The following IL1RAPL2 variants were observed in gnomAD, a reference collection of about 807,000 sequenced individuals.
IL1RAPL2 encodes the protein X-linked interleukin-1 receptor accessory protein-like 2.
In IL1RAPL2, 3 loss-of-function variants were observed where a neutral mutation model predicts 44.1. The ratio of observed to expected loss-of-function variants is 0.07; its 90% CI spans 0.03 to 0.18. The LOEUF (loss-of-function observed/expected upper bound fraction) is 0.18, where lower values mean the gene tolerates loss of function less well. IL1RAPL2 is among the 10% of genes least tolerant of loss of function. The pLI is 1.00. For missense variants in IL1RAPL2, 391 were observed against 496.4 expected (o/e 0.79, Z 2.02); for synonymous variants, 181 against 178.8 (o/e 1.01, Z -0.10).
At chrX:105,314,350 G>T (rs905396151) in intron 5 of IL1RAPL2, among the ~76,000 whole-genome samples, 12 of 109,340 alleles carry the variant, frequency 1.1e-4, no homozygotes, top group African/African-American at 4.0e-4. Context: ...CGATCTTGCT[G>T]TTTTCAAGGA....
At chrX:104,980,012 G>A (rs933552844) in intron 2 of IL1RAPL2, among the ~76,000 whole-genome samples, 13 of 111,976 alleles carry the variant, frequency 1.2e-4, no homozygotes, top group African/African-American at 2.9e-4. Context: ...GTATGCAGAC[G>A]CATGTTCAAG....
intron 6 of IL1RAPL2, among the ~76,000 whole-genome samples, chrX:105,665,344 CGTGTGT>C (rs58453498): frequency 4.2e-4 from 41 of 98,545 alleles, no homozygotes; most frequent in East Asian, 6.5e-4. Context: ...TATGCGCGTG[CGTGTGT>C]GTGTGTGTGT....
At chrX:105,157,431 T>C (rs1251414217) in intron 2 of IL1RAPL2, among the ~76,000 whole-genome samples, 1 of 112,324 alleles carries the variant, frequency 8.9e-6, no homozygotes, top group Non-Finnish European at 1.9e-5. Context: ...GCTACAATTA[T>C]CAGGCTCATC....
At chrX:104,585,321 T>TATATTATATA (rs1928515563) in intron 1 of IL1RAPL2, among the ~76,000 whole-genome samples, 1 of 19,346 alleles carries the variant, frequency 5.2e-5, no homozygotes, top group Non-Finnish European at 7.2e-5. Context: ...TAATATATAT[T>TATATTATATA]ATATATAATA....
chrX:105,355,220 C>A (rs1437410286), intron 5 of IL1RAPL2, among the ~76,000 whole-genome samples: 1 of 111,099 alleles, frequency 9.0e-6, no homozygotes, highest in Non-Finnish European at 1.9e-5. Context: ...CATGTTAATA[C>A]AAGATATGTG....
intron 2 of IL1RAPL2, among the ~76,000 whole-genome samples, chrX:105,008,072 A>G (rs1192527331): frequency 4.6e-4 from 5 of 10,849 alleles, no homozygotes; most frequent in African/African-American, 1.6e-3. Context: ...AGTAACTTAT[A>G]AAGAAAACAA....
intron 5 of IL1RAPL2, among the ~76,000 whole-genome samples, chrX:105,307,895 C>T (rs1489338265): frequency 9.4e-6 from 1 of 106,521 alleles, no homozygotes; most frequent in Non-Finnish European, 1.9e-5. Context: ...CTTTATGATG[C>T]AACAAGCTGT....
chrX:105,666,302 A>AG (rs1602510151), intron 6 of IL1RAPL2, among the ~76,000 whole-genome samples: 2 of 110,801 alleles, frequency 1.8e-5, no homozygotes, highest in African/African-American at 3.3e-5. Context: ...AGCTGGGTCC[A>AG]GGGGGGTCAC....
intron 7 of IL1RAPL2, among the ~76,000 whole-genome samples, chrX:105,737,985 G>C (rs769309162): frequency 6.3e-5 from 7 of 111,503 alleles, no homozygotes; most frequent in African/African-American, 2.3e-4. Flanking sequence ...TCTTATACTT[G>C]TCTGGTTCTG....
At chrX:104,602,941 G>C (rs1276261528) in intron 1 of IL1RAPL2, among the ~76,000 whole-genome samples, 1 of 111,832 alleles carries the variant, frequency 8.9e-6, no homozygotes, top group Non-Finnish European at 1.9e-5. Flanking sequence ...GCTCTAAAGA[G>C]AGCAGTGGAC....
chrX:105,308,047 G>A (rs1192615524), intron 5 of IL1RAPL2, among the ~76,000 whole-genome samples: 1 of 110,349 alleles, frequency 9.1e-6, no homozygotes, highest in Non-Finnish European at 1.9e-5. Flanking sequence ...CTTCATCATG[G>A]TGACTAGGTC....
intron 6 of IL1RAPL2, among the ~76,000 whole-genome samples, chrX:105,638,225 A>G (rs1406309845): frequency 1.8e-5 from 2 of 112,013 alleles, no homozygotes; most frequent in Non-Finnish European, 3.8e-5. Context: ...TGGCAGTACT[A>G]GAAGACATTA....
chrX:105,646,956 C>T (rs1002190620), intron 6 of IL1RAPL2, among the ~76,000 whole-genome samples: 1 of 112,481 alleles, frequency 8.9e-6, no homozygotes, highest in Non-Finnish European at 1.9e-5. Context: ...TGGCGGCAAG[C>T]CTTTTGTTCT....
At chrX:104,996,162 T>A (rs1340407782) in intron 2 of IL1RAPL2, among the ~76,000 whole-genome samples, 1 of 111,884 alleles carries the variant, frequency 8.9e-6, no homozygotes, top group Non-Finnish European at 1.9e-5. Context: ...TATATTGAGG[T>A]TCAGCCTTAC....
chrX:105,381,004 G>A (rs2035425858), intron 5 of IL1RAPL2, among the ~76,000 whole-genome samples: 1 of 111,404 alleles, frequency 9.0e-6, no homozygotes, highest in African/African-American at 3.3e-5. Flanking sequence ...TATTTATTGA[G>A]TGCTTGCTGT....
chrX:105,277,668 T>A (rs184504313), intron 5 of IL1RAPL2, among the ~76,000 whole-genome samples: 1 of 111,619 alleles, frequency 9.0e-6, no homozygotes, highest in African/African-American at 3.3e-5. Context: ...ATTTCAATTC[T>A]GTAACTCATA....
At chrX:105,256,471 G>C (rs1452906503) in intron 4 of IL1RAPL2, among the ~76,000 whole-genome samples, 1 of 109,540 alleles carries the variant, frequency 9.1e-6, no homozygotes, top group Admixed American at 9.8e-5. Flanking sequence ...TGGGATTACA[G>C]GTGCCTGCCA....
intron 6 of IL1RAPL2, among the ~76,000 whole-genome samples, chrX:105,667,540 TTTGA>T (rs1288092018): frequency 3.6e-5 from 4 of 111,804 alleles, no homozygotes; most frequent in Non-Finnish European, 7.5e-5. Context: ...AGATCATTAA[TTTGA>T]TTGGCCAATT....
chrX:105,071,790 C>T (rs948853893), intron 2 of IL1RAPL2, among the ~76,000 whole-genome samples: 3 of 111,811 alleles, frequency 2.7e-5, no homozygotes, highest in African/African-American at 6.5e-5. Context: ...CTCTTCCATA[C>T]GTGGTGTTAG....
Sources: allele counts gnomAD v4.1 joint callset (sites outside exome capture counted in the v4.1 genomes callset), GRCh38; gene constraint gnomAD v4.1.1; transcripts MANE v1.5; gene names NCBI Gene and HGNC (gene_info 2026-07-23, HGNC 2026-07-21).